Variants in NHS observed in about 807,000 individuals in gnomAD.
NHS encodes NHS actin remodeling regulator.
A neutral mutation model predicts 72.5 loss-of-function variants in NHS; 5 were observed. The observed-to-expected ratio is 0.07, with a 90% CI of 0.04 to 0.14. NHS has a LOEUF of 0.14. Ranked by LOEUF, NHS falls within the 10% of genes least tolerant of loss-of-function variation. The pLI is 1.00. For synonymous variants in NHS, 464 were observed against 547.7 expected, an observed-to-expected ratio of 0.85 and a Z score of 2.13; for missense variants, 1,072 against 1,355.7, an observed-to-expected ratio of 0.79 and a Z score of 3.29.
At chrX:17,714,906 C>T (rs1475638254) in intron 3 of NHS, among the ~76,000 whole-genome samples, 2 of 112,366 alleles carry the variant, frequency 1.8e-5, no homozygotes, top group Non-Finnish European at 3.8e-5. Flanking sequence ...AAAATATATA[C>T]TGTGAACTGA....
chrX:17,394,011 C>G (rs976355129), intron 1 of NHS, among the ~76,000 whole-genome samples: 1 of 111,776 alleles, frequency 8.9e-6, no homozygotes, highest in African/African-American at 3.3e-5. Flanking sequence ...TCCGCCCCCC[C>G]ACCGCACCCT....
chrX:17,534,096 TTGTG>T (rs59352413), intron 1 of NHS, among the ~76,000 whole-genome samples: 23 of 104,933 alleles, frequency 2.2e-4, no homozygotes, highest in East Asian at 9.3e-4. Flanking sequence ...TGAAAGGTCA[TTGTG>T]TGTGTGTGTG....
chrX:17,416,819 T>TGA (rs576288851), intron 1 of NHS, among the ~76,000 whole-genome samples: 1,439 of 98,150 alleles, frequency 0.015, 31 homozygotes, highest in African/African-American at 0.046. Flanking sequence ...TGTGTGTGTG[T>TGA]GAGAGAGAGA....
chrX:17,615,236 ACG>A (rs1491271513), intron 1 of NHS, among the ~76,000 whole-genome samples: 5 of 97,325 alleles, frequency 5.1e-5, no homozygotes, highest in Admixed American at 2.3e-4. Flanking sequence ...ACATATATAT[ACG>A]TATATATATA....
intron 1 of NHS, among the ~76,000 whole-genome samples, chrX:17,511,193 C>T (rs1250172199): frequency 2.7e-5 from 3 of 111,680 alleles, no homozygotes; most frequent in African/African-American, 6.5e-5. Context: ...TGCCTGCCCC[C>T]TCTAGCTCTC....
chrX:17,666,579 C>T (rs769814357), intron 1 of NHS, among the ~76,000 whole-genome samples: 1 of 112,645 alleles, frequency 8.9e-6, no homozygotes, highest in Admixed American at 9.4e-5. Context: ...TGCCAGCATG[C>T]AGTACACACT....
At chrX:17,495,531 A>T (rs1475940471) in intron 1 of NHS, among the ~76,000 whole-genome samples, 1 of 112,063 alleles carries the variant, frequency 8.9e-6, no homozygotes, top group Non-Finnish European at 1.9e-5. Flanking sequence ...CCAGTAAGGT[A>T]GACACCATTA....
intron 1 of NHS, among the ~76,000 whole-genome samples, chrX:17,595,262 C>T (rs953564140): frequency 9.0e-6 from 1 of 111,560 alleles, no homozygotes; most frequent in African/African-American, 3.3e-5. Flanking sequence ...GGATCCTTTC[C>T]ATGAGACTGA....
chrX:17,554,106 C>A (rs2146961815), intron 1 of NHS, among the ~76,000 whole-genome samples: 1 of 112,406 alleles, frequency 8.9e-6, no homozygotes, highest in East Asian at 2.8e-4. Flanking sequence ...AGAGTGCCTT[C>A]CCCCAGGGCC....
chrX:17,465,616 CAAAA>C (rs11297013), intron 1 of NHS, among the ~76,000 whole-genome samples: 1 of 83,686 alleles, frequency 1.2e-5, no homozygotes. Flanking sequence ...TCTTCCAGGA[CAAAA>C]AAAAAAAAAA....
At chrX:17,535,219 T>C (rs1282784957) in intron 1 of NHS, among the ~76,000 whole-genome samples, 1 of 112,121 alleles carries the variant, frequency 8.9e-6, no homozygotes, top group Non-Finnish European at 1.9e-5. Context: ...TCTTGAGATT[T>C]TGTCCCTCTT....
In NHS at chrX:17,725,709, G is replaced by A. The variant is rs367856134; in HGVS notation, c.1603G>A (p.Val535Met). 5.2e-5 allele frequency: 63 copies of A among 1,209,009 alleles called. No homozygotes were observed. In the African/African-American group the frequency reaches 1.0e-3, roughly 19 times the overall value. The change falls in exon 7 of 9, where the codon GTG becomes ATG. Residue 535 changes from valine to methionine, a missense_variant. Val to Met is a conservative substitution (Grantham distance 21). Coordinates refer to ENST00000676302, the MANE Select transcript of NHS (RefSeq NM_001291867.2). ...PSAYEEGESF[V>M]GDHERTPNDF... ...AGCATATGAAGAGGGAGAGTCTTTT[G>A]TGGGTGACCATGAAAGAACCCCTAA... is the stretch of plus-strand genomic sequence containing the variant.
intron 1 of NHS, among the ~76,000 whole-genome samples, chrX:17,389,980 T>C (rs2064435299): frequency 1.8e-5 from 2 of 112,069 alleles, no homozygotes; most frequent in Non-Finnish European, 3.8e-5. Context: ...TGATACTCTC[T>C]GGTACATTTC....
chrX:17,717,577 G>C (rs1438831556), intron 3 of NHS, among the ~76,000 whole-genome samples: 3 of 112,494 alleles, frequency 2.7e-5, no homozygotes, highest in Non-Finnish European at 5.6e-5. Context: ...CCTGAAGAGG[G>C]GATTCTGGTT....
At chrX:17,608,358 C>G (rs1448186331) in intron 1 of NHS, among the ~76,000 whole-genome samples, 1 of 112,201 alleles carries the variant, frequency 8.9e-6, no homozygotes, top group Non-Finnish European at 1.9e-5. Context: ...TCCAGTCTTT[C>G]TCTTCAGAGT....
At chrX:17,477,590 C>G (rs1181250276) in intron 1 of NHS, among the ~76,000 whole-genome samples, 1 of 112,220 alleles carries the variant, frequency 8.9e-6, no homozygotes, top group Non-Finnish European at 1.9e-5. Context: ...GTGTTGGGAA[C>G]ATACTGAGGC....
At chrX:17,517,014 C>T (rs565209896) in intron 1 of NHS, among the ~76,000 whole-genome samples, 3 of 112,264 alleles carry the variant, frequency 2.7e-5, no homozygotes, top group East Asian at 5.6e-4. Flanking sequence ...TAGTGGAAGA[C>T]GTCTGTCCCT....
chrX:17,735,435 C>A lies in NHS; in HGVS notation c.*2971C>A, dbSNP rs982048826. On this transcript the variant is annotated 3_prime_UTR_variant, in exon 9 of 9. Transcript: ENST00000676302. ...TTTTTGTTCTTTTATGTTTATACAA[C>A]GTATCTATGTTGTGTAGGGGAAATT... 1.8e-5 allele frequency: 2 copies of A among 113,017 alleles called. No homozygotes were observed. Among genetic ancestry groups the A allele is most frequent in the African/African-American group, 6.4e-5 (2 of 31,009 alleles). The allele number at this position is 113,017 out of a possible 1,213,427, so 9.3% of individuals were successfully genotyped here.
At chrX:17,649,700 G>A (rs1486623611) in intron 1 of NHS, among the ~76,000 whole-genome samples, 1 of 111,771 alleles carries the variant, frequency 8.9e-6, no homozygotes, top group Non-Finnish European at 1.9e-5. Context: ...TATGCCAGAT[G>A]GTTTGGAGAA....
Sources: gnomAD v4.1 joint callset for allele counts (sites outside exome capture counted in the v4.1 genomes callset) on GRCh38, gnomAD v4.1.1 for gene constraint, MANE v1.5 for transcripts, NCBI Gene and HGNC (gene_info 2026-07-23, HGNC 2026-07-21) for gene names.